FBXL7: variants seen among roughly 807,000 people sequenced by gnomAD.
The protein encoded by FBXL7 is F-box and leucine rich repeat protein 7, also known as F-box/LRR-repeat protein 7.
A neutral mutation model predicts 38.3 loss-of-function variants in FBXL7; 12 were observed. The observed-to-expected ratio is 0.31, with a 90% confidence interval of 0.20 to 0.51. The LOEUF (loss-of-function observed/expected upper bound fraction) is 0.51. FBXL7 is among the 20% of genes least tolerant of loss of function. The probability of loss-of-function intolerance (pLI) is 0.98; values close to 1 mark genes in which losing one functional copy is unlikely to be tolerated. For missense variants in FBXL7, 567 were observed against 676.4 expected, an observed-to-expected ratio of 0.84 and a Z score of 1.79; for synonymous variants, 297 against 300.9, an observed-to-expected ratio of 0.99 and a Z score of 0.13.
intron 2 of FBXL7, among the ~76,000 whole-genome samples, chr5:15,753,840 A>G (rs937436550): frequency 6.6e-6 from 1 of 152,216 alleles, no homozygotes; most frequent in South Asian, 2.1e-4. Context: ...AGAAGTCCAC[A>G]AACTATGGCA....
At chr5:15,819,701 C>T (rs1407120457) in intron 2 of FBXL7, among the ~76,000 whole-genome samples, 1 of 152,134 alleles carries the variant, frequency 6.6e-6, no homozygotes, top group African/African-American at 2.4e-5. Context: ...TGATATCAAC[C>T]AGTTTGCAAA....
At chr5:15,529,640 G>A (rs779852916) in intron 1 of FBXL7, among the ~76,000 whole-genome samples, 8 of 152,000 alleles carry the variant, frequency 5.3e-5, no homozygotes, top group Admixed American at 1.3e-4. Flanking sequence ...CACCCACCTC[G>A]GCCTCCCAAA....
chr5:15,812,611 C>T (rs1031297384), intron 2 of FBXL7, among the ~76,000 whole-genome samples: 3 of 151,926 alleles, frequency 2.0e-5, no homozygotes, highest in African/African-American at 4.8e-5. Context: ...CCTGGCTATC[C>T]GGGGTCTTTT....
At chr5:15,582,202 G>T (rs954671392) in intron 1 of FBXL7, among the ~76,000 whole-genome samples, 1 of 152,184 alleles carries the variant, frequency 6.6e-6, no homozygotes, top group Non-Finnish European at 1.5e-5. Flanking sequence ...GCCTCCCAGA[G>T]TGCTGGGATT....
At chr5:15,574,895 G>T (rs1021748179) in intron 1 of FBXL7, among the ~76,000 whole-genome samples, 1 of 151,088 alleles carries the variant, frequency 6.6e-6, no homozygotes, top group Non-Finnish European at 1.5e-5. Context: ...TCAACTAGTT[G>T]CTCATATCTC....
chr5:15,720,892 G>A (rs1377496991), intron 2 of FBXL7, among the ~76,000 whole-genome samples: 1 of 151,918 alleles, frequency 6.6e-6, no homozygotes, highest in Non-Finnish European at 1.5e-5. Flanking sequence ...TTAAATAAAG[G>A]TAACAATGGG....
At chr5:15,863,727 T>C (rs1466058939) in intron 2 of FBXL7, among the ~76,000 whole-genome samples, 2 of 152,204 alleles carry the variant, frequency 1.3e-5, no homozygotes, top group African/African-American at 4.8e-5. Context: ...CTTTTGGTGA[T>C]GAGTGAGTTC....
chr5:15,659,914 G>T (rs1742001464), intron 2 of FBXL7, among the ~76,000 whole-genome samples: 1 of 152,182 alleles, frequency 6.6e-6, no homozygotes, highest in African/African-American at 2.4e-5. Context: ...GTGGGAGGGA[G>T]AAACTATAAA....
intron 1 of FBXL7, among the ~76,000 whole-genome samples, chr5:15,569,469 A>G (rs2126449545): frequency 6.6e-6 from 1 of 151,422 alleles, no homozygotes; most frequent in Non-Finnish European, 1.5e-5. Flanking sequence ...GAAGTTGCCT[A>G]TCAGCTTAAG....
At chr5:15,672,933 G>A (rs1742529455) in intron 2 of FBXL7, among the ~76,000 whole-genome samples, 1 of 152,142 alleles carries the variant, frequency 6.6e-6, no homozygotes, top group South Asian at 2.1e-4. Flanking sequence ...ATGTATTTGG[G>A]TGCTATTTTT....
chr5:15,602,008 A>G (rs1371383493), intron 1 of FBXL7, among the ~76,000 whole-genome samples: 3 of 152,120 alleles, frequency 2.0e-5, no homozygotes, highest in Non-Finnish European at 2.9e-5. Flanking sequence ...CACAGAGGGA[A>G]GACAGCCATG....
At chr5:15,924,304 A>G (rs1049441322) in intron 2 of FBXL7, among the ~76,000 whole-genome samples, 1 of 152,242 alleles carries the variant, frequency 6.6e-6, no homozygotes, top group African/African-American at 2.4e-5. Flanking sequence ...TTTTTAACAT[A>G]TACTTCCATT....
At chr5:15,609,009 G>A (rs984185036) in intron 1 of FBXL7, among the ~76,000 whole-genome samples, 3 of 152,170 alleles carry the variant, frequency 2.0e-5, no homozygotes, top group African/African-American at 4.8e-5. Context: ...GAGCATATGT[G>A]TGGCGTGGAA....
chr5:15,781,842 A>AAT (rs1737002362), intron 2 of FBXL7, among the ~76,000 whole-genome samples: 1 of 152,192 alleles, frequency 6.6e-6, no homozygotes, highest in South Asian at 2.1e-4. Flanking sequence ...TTTTTTAAAA[A>AAT]ATATATACTT....
intron 2 of FBXL7, among the ~76,000 whole-genome samples, chr5:15,809,475 G>T (rs747313892): frequency 1.8e-4 from 27 of 152,252 alleles, no homozygotes; most frequent in Non-Finnish European, 3.2e-4. Flanking sequence ...GTTGTTAGGT[G>T]GAATAAATTT....
chr5:15,867,121 C>A (rs1487005436), intron 2 of FBXL7, among the ~76,000 whole-genome samples: 1 of 152,120 alleles, frequency 6.6e-6, no homozygotes, highest in East Asian at 1.9e-4. Flanking sequence ...AAATCCATAT[C>A]CTTTAGGATA....
intron 2 of FBXL7, among the ~76,000 whole-genome samples, chr5:15,739,575 C>T (rs1381016795): frequency 1.3e-5 from 2 of 152,126 alleles, no homozygotes; most frequent in African/African-American, 4.8e-5. Flanking sequence ...CCTTAGGCAA[C>T]CTATAATCTC....
At chr5:15,510,268 T>C (rs555037453) in intron 1 of FBXL7, among the ~76,000 whole-genome samples, 2 of 152,232 alleles carry the variant, frequency 1.3e-5, no homozygotes, top group Non-Finnish European at 2.9e-5. Flanking sequence ...TGTGCAGATG[T>C]AGCAGTGGAA....
At chr5:15,664,596 C>T (rs1261177826) in intron 2 of FBXL7, among the ~76,000 whole-genome samples, 20 of 151,194 alleles carry the variant, frequency 1.3e-4, no homozygotes, top group Admixed American at 1.3e-3. Context: ...CTCAGCCTCC[C>T]GAGTAGCTGG....
Sources: gnomAD v4.1 joint callset for allele counts (sites outside exome capture counted in the v4.1 genomes callset) on GRCh38, gnomAD v4.1.1 for gene constraint, MANE v1.5 for transcripts, NCBI Gene and HGNC (gene_info 2026-07-23, HGNC 2026-07-21) for gene names.